Variants in RNLS observed in about 807,000 individuals in gnomAD.
RNLS encodes the protein renalase, FAD dependent amine oxidase.
Under a neutral mutation model 39.8 loss-of-function variants are expected in RNLS, and 39 were observed. The ratio of observed to expected loss-of-function variants is 0.98; its 90% CI spans 0.76 to 1.28. RNLS has a LOEUF of 1.28. RNLS is among the 50% of genes most tolerant of loss of function. The pLI is 0.00. For synonymous variants in RNLS, 147 were observed against 150.7 expected (o/e 0.98, Z 0.18); for missense variants, 410 against 413.3 (o/e 0.99, Z 0.07).
intron 4 of RNLS, among the ~76,000 whole-genome samples, chr10:88,364,251 G>A (rs2133379640): frequency 6.6e-6 from 1 of 152,212 alleles, no homozygotes; most frequent in East Asian, 1.9e-4. Context: ...TACAACAGTA[G>A]GGATAAGTGA....
At chr10:88,423,683 T>A (rs1854541874) in intron 4 of RNLS, among the ~76,000 whole-genome samples, 1 of 152,214 alleles carries the variant, frequency 6.6e-6, no homozygotes, top group African/African-American at 2.4e-5. Flanking sequence ...ATATTGGCAA[T>A]CTTGCTATTT....
At chr10:88,206,518 G>A in the RNLS span, among the ~76,000 whole-genome samples, 1 of 152,118 alleles carries the variant, frequency 6.6e-6, no homozygotes, top group African/African-American at 2.4e-5. Context: ...CTGAGATAGC[G>A]CTGAAGAATA....
At chr10:88,309,477 CT>C in intron 6 of RNLS, 1 of 1,289,586 alleles carries the variant, frequency 7.8e-7, no homozygotes, top group Non-Finnish European at 1.0e-6. Context: ...CAAACAAAAT[CT>C]GTAAGAAAAA....
intron 4 of RNLS, among the ~76,000 whole-genome samples, chr10:88,422,708 C>T (rs898980967): frequency 3.3e-5 from 5 of 151,276 alleles, no homozygotes; most frequent in Admixed American, 2.6e-4. Flanking sequence ...AAATTATTTT[C>T]TTTCTGTGTT....
intron 5 of RNLS, among the ~76,000 whole-genome samples, chr10:88,359,832 C>A (rs1192496248): frequency 6.6e-6 from 1 of 152,202 alleles, no homozygotes; most frequent in African/African-American, 2.4e-5. Flanking sequence ...CCATCCCACT[C>A]CATTTTTATA....
the RNLS span, among the ~76,000 whole-genome samples, chr10:88,221,385 G>GT: frequency 1.7e-4 from 26 of 152,250 alleles, no homozygotes; most frequent in African/African-American, 6.3e-4. Flanking sequence ...TTGAACTGTC[G>GT]TCTTTTCTTT....
intron 4 of RNLS, among the ~76,000 whole-genome samples, chr10:88,405,900 T>C (rs1279405008): frequency 1.3e-5 from 2 of 152,132 alleles, no homozygotes; most frequent in East Asian, 3.9e-4. Flanking sequence ...TTTTAGCAGT[T>C]CTTGTAGTGG....
intron 4 of RNLS, among the ~76,000 whole-genome samples, chr10:88,458,581 G>C (rs4934411): frequency 0.7 from 106,251 of 152,092 alleles, 38,010 homozygotes; most frequent in African/African-American, 0.86. Context: ...ACTGGACGTA[G>C]TACTTGGTGT....
intron 5 of RNLS, among the ~76,000 whole-genome samples, chr10:88,340,808 TC>T (rs1044925491): frequency 1.4e-4 from 22 of 152,226 alleles, no homozygotes; most frequent in African/African-American, 5.3e-4. Context: ...TCACCTGTAA[TC>T]CCAGCACTTT....
the RNLS span, among the ~76,000 whole-genome samples, chr10:88,202,690 T>C: frequency 6.6e-5 from 10 of 152,332 alleles, no homozygotes; most frequent in African/African-American, 2.4e-4. Context: ...TGAGCTGTTC[T>C]ACTGGGAGCC....
At position 88,460,772 on chromosome 10, in the gene RNLS, T is replaced by C. The variant is rs549161724; in HGVS notation, c.527-98047A>G. 7.9e-5 allele frequency among the ~76,000 whole-genome samples: 12 copies of C among 152,276 alleles called. No individual in the cohort carries two copies. The South Asian group carries it at 2.5e-3, about 32-fold the overall frequency. Reference sequence around the variant, plus strand: ...ATTTCCCACTTTCCCTCTGACTGTTTTTGGGTTCACTTCCATTTGACCTCT... The same window carrying C: ...ATTTCCCACTTTCCCTCTGACTGTTCTTGGGTTCACTTCCATTTGACCTCT... On this transcript the variant is annotated intron_variant, in intron 4 of 6. Transcript: ENST00000331772.
At chr10:88,527,112 G>A (rs1466564861) in intron 4 of RNLS, among the ~76,000 whole-genome samples, 1 of 152,098 alleles carries the variant, frequency 6.6e-6, no homozygotes, top group Non-Finnish European at 1.5e-5. Context: ...AATCATGTAG[G>A]TGTACAAATC....
the RNLS span, among the ~76,000 whole-genome samples, chr10:88,189,163 C>T: frequency 0.056 from 8,526 of 152,178 alleles, 300 homozygotes; most frequent in Middle Eastern, 0.099. Flanking sequence ...TGTACCTATC[C>T]ATCTAAATAA....
intron 6 of RNLS, among the ~76,000 whole-genome samples, chr10:88,307,797 T>C (rs1203187113): frequency 6.6e-6 from 1 of 152,152 alleles, no homozygotes; most frequent in Non-Finnish European, 1.5e-5. Context: ...TAAACCACCA[T>C]TAACATTCTT....
chr10:88,521,933 T>C (rs1276540724), intron 4 of RNLS, among the ~76,000 whole-genome samples: 1 of 152,052 alleles, frequency 6.6e-6, no homozygotes, highest in Non-Finnish European at 1.5e-5. Flanking sequence ...ATAAAGCTTG[T>C]TAAATGGTGT....
At chr10:88,221,808 T>C in the RNLS span, among the ~76,000 whole-genome samples, 2 of 152,230 alleles carry the variant, frequency 1.3e-5, no homozygotes, top group African/African-American at 4.8e-5. Context: ...CACTAATCAA[T>C]TGTGGCACTT....
the RNLS span, among the ~76,000 whole-genome samples, chr10:88,262,360 T>C: frequency 1.3e-5 from 2 of 152,156 alleles, no homozygotes; most frequent in South Asian, 2.1e-4. Context: ...CAAGGTCTCA[T>C]GGCCTTTATT....
chr10:88,385,058 T>C (rs1259457853), intron 4 of RNLS, among the ~76,000 whole-genome samples: 1 of 152,208 alleles, frequency 6.6e-6, no homozygotes, highest in African/African-American at 2.4e-5. Context: ...GTGAGGATTT[T>C]AAAAGACCAT....
At chr10:88,489,225 A>T (rs1844748658) in intron 4 of RNLS, among the ~76,000 whole-genome samples, 1 of 152,224 alleles carries the variant, frequency 6.6e-6, no homozygotes, top group African/African-American at 2.4e-5. Context: ...CTGCCAAAGT[A>T]AAGTTATTAA....
Sources: gnomAD v4.1 joint callset for allele counts (sites outside exome capture counted in the v4.1 genomes callset) on GRCh38, gnomAD v4.1.1 for gene constraint, MANE v1.5 for transcripts, NCBI Gene and HGNC (gene_info 2026-07-23, HGNC 2026-07-21) for gene names.